Variants in GATAD2B observed in about 807,000 individuals in gnomAD.
GATAD2B encodes the protein GATA zinc finger domain containing 2B, also known as transcriptional repressor p66-beta.
A neutral mutation model predicts 64.3 loss-of-function variants in GATAD2B; 8 were observed. That is an observed-to-expected ratio of 0.12 (90% CI 0.07 to 0.22). The LOEUF is 0.22. Among genes scored for constraint, GATAD2B ranks in the 10% least tolerant of loss-of-function variants. GATAD2B has a pLI of 1.00. For synonymous variants in GATAD2B, 281 were observed against 271.3 expected (o/e 1.04, Z -0.35); for missense variants, 453 against 752.0 (o/e 0.60, Z 4.65).
chr1:153,908,785 A>AGG (rs1678028514), intron 1 of GATAD2B, among the ~76,000 whole-genome samples: 4 of 139,320 alleles, frequency 2.9e-5, no homozygotes, highest in Non-Finnish European at 6.1e-5. Flanking sequence ...ATACTTGGAA[A>AGG]AAAAAAAAAA....
At chr1:153,826,414 A>G (rs1674880713) in intron 2 of GATAD2B, among the ~76,000 whole-genome samples, 1 of 152,020 alleles carries the variant, frequency 6.6e-6, no homozygotes, top group Non-Finnish European at 1.5e-5. Flanking sequence ...AGATCACCTG[A>G]GGTCAGGAGT....
chr1:153,811,152 C>T (rs1344257051), intron 10 of GATAD2B, among the ~76,000 whole-genome samples: 7 of 152,114 alleles, frequency 4.6e-5, no homozygotes, highest in Non-Finnish European at 8.8e-5. Flanking sequence ...TCGCCTGCCT[C>T]GGCCTCTCAA....
chr1:153,807,715 G>C lies in GATAD2B; in HGVS notation c.*2462C>G, dbSNP rs1313646768. The C allele has an allele frequency of 1.3e-5, 2 of 152,952 alleles. No individual in the cohort carries two copies. Among genetic ancestry groups the C allele is most frequent in the Non-Finnish European group, 2.9e-5 (2 of 68,310 alleles). 9.5% of individuals were successfully genotyped at this position (152,952 alleles called of 1,614,324 possible). On this transcript the variant is annotated 3_prime_UTR_variant, in exon 11 of 11. Coordinates refer to ENST00000368655, the MANE Select transcript of GATAD2B (RefSeq NM_020699.4). ...CCAAACCCCATTCTAAGGTGGCCTG[G>C]CTCCCAGGGAAAGGACTCAGCTCAG...
chr1:153,848,530 C>T (rs1675768103), intron 1 of GATAD2B, among the ~76,000 whole-genome samples: 1 of 152,168 alleles, frequency 6.6e-6, no homozygotes, highest in Non-Finnish European at 1.5e-5. Context: ...CACCTTCTAA[C>T]TGTAAAAATG....
At chr1:153,878,939 G>A (rs1676921517) in intron 1 of GATAD2B, among the ~76,000 whole-genome samples, 1 of 150,414 alleles carries the variant, frequency 6.6e-6, no homozygotes, top group Non-Finnish European at 1.5e-5. Flanking sequence ...CACCATGCCT[G>A]GCTAATTTTT....
At chr1:153,879,539 G>A (rs748048324) in intron 1 of GATAD2B, among the ~76,000 whole-genome samples, 2 of 151,964 alleles carry the variant, frequency 1.3e-5, no homozygotes, top group Non-Finnish European at 2.9e-5. Flanking sequence ...CAAGACGGGC[G>A]GATTATGAGG....
At chr1:153,855,235 T>G (rs535193234) in intron 1 of GATAD2B, among the ~76,000 whole-genome samples, 4,658 of 145,582 alleles carry the variant, frequency 0.032, 229 homozygotes, top group African/African-American at 0.1. Context: ...GTTTTTTTTT[T>G]TTGTTGTTGT....
intron 1 of GATAD2B, among the ~76,000 whole-genome samples, chr1:153,900,904 T>C (rs1677747700): frequency 6.6e-6 from 1 of 152,222 alleles, no homozygotes; most frequent in South Asian, 2.1e-4. Context: ...CTTGATTTTT[T>C]TTCAATCATT....
chr1:153,825,582 C>G (rs370276034), intron 2 of GATAD2B, among the ~76,000 whole-genome samples: 1 of 152,090 alleles, frequency 6.6e-6, no homozygotes, highest in Non-Finnish European at 1.5e-5. Flanking sequence ...TGCCACCACA[C>G]CTGGCTAATT....
chr1:153,819,081 C>A (rs1674583654), intron 3 of GATAD2B, among the ~76,000 whole-genome samples, 159 bp from the exon 4 acceptor site: 1 of 152,204 alleles, frequency 6.6e-6, no homozygotes, highest in Non-Finnish European at 1.5e-5. Context: ...TGGCACAGTG[C>A]CTGGCATTCA....
At chr1:153,890,172 C>CA (rs564018508) in intron 1 of GATAD2B, among the ~76,000 whole-genome samples, 139 of 66,464 alleles carry the variant, frequency 2.1e-3, no homozygotes, top group East Asian at 8.8e-3. Flanking sequence ...AACTCTGTTT[C>CA]AAAAAAAAAA....
intron 1 of GATAD2B, among the ~76,000 whole-genome samples, chr1:153,881,236 C>T (rs1009563074): frequency 2.6e-5 from 4 of 152,032 alleles, no homozygotes; most frequent in African/African-American, 9.7e-5. Flanking sequence ...ATTCACAGAG[C>T]AGGGTTGGAG....
At chr1:153,813,583 T>C in intron 7 of GATAD2B, 131 bp from the exon 8 acceptor site, 1 of 662,334 alleles carries the variant, frequency 1.5e-6, no homozygotes, top group East Asian at 2.7e-5. Flanking sequence ...GGATATTCTA[T>C]AATTTACAAA....
chr1:153,813,259 C>T lies in GATAD2B; in HGVS notation c.1410G>A (p.Gln470=), dbSNP rs370570135. The change falls in exon 8 of 11, where the codon CAG becomes CAA. Residue 470 remains glutamine, a synonymous_variant. Transcript: ENST00000368655. The part of the protein sequence containing the change: ...RLKNAFVKAL[Q]QEQEIEQRLQ... ...CAGTCAGAATTCTTACCTGTTCCTG[C>T]TGTAGGGCTTTCACAAATGCATTTT... The T allele has an allele frequency of 6.2e-7, 1 of 1,613,638 alleles. No individual in the cohort carries two copies. The highest frequency in any genetic ancestry group is 8.5e-7 in the Non-Finnish European group (1 of 1,179,842).
At chr1:153,904,560 G>C (rs1353575819) in intron 1 of GATAD2B, among the ~76,000 whole-genome samples, 1 of 152,084 alleles carries the variant, frequency 6.6e-6, no homozygotes, top group Non-Finnish European at 1.5e-5. Flanking sequence ...TTTTCTTTGA[G>C]AGACAGAGTC....
In GATAD2B at chr1:153,853,112, T is replaced by C. The variant is rs1675963990; in HGVS notation, c.-1-24764A>G. On this transcript the variant is annotated intron_variant, in intron 1 of 10. Coordinates refer to ENST00000368655, the MANE Select transcript of GATAD2B (RefSeq NM_020699.4). Reference sequence around the variant, plus strand: ...TGGCATTGGCAACAACCTGAGTTGATGGCTGATTCAGAATAGGCAGTCTCT... The same window carrying C: ...TGGCATTGGCAACAACCTGAGTTGACGGCTGATTCAGAATAGGCAGTCTCT... 44 of 1,469,378 alleles carry C rather than the reference T, an allele frequency of 3.0e-5. No homozygotes were observed. The South Asian group carries it at 4.4e-4, about 15-fold the overall frequency. The allele number at this position is 1,469,378 out of a possible 1,614,324, so 91.0% of individuals were successfully genotyped here.
At chr1:153,915,042 G>A (rs943546941) in intron 1 of GATAD2B, among the ~76,000 whole-genome samples, 7 of 152,204 alleles carry the variant, frequency 4.6e-5, no homozygotes, top group African/African-American at 1.7e-4. Flanking sequence ...GGCCAACATG[G>A]CAAAACTCTG....
chr1:153,909,216 T>C (rs1162560219), intron 1 of GATAD2B, among the ~76,000 whole-genome samples: 1 of 151,128 alleles, frequency 6.6e-6, no homozygotes, highest in Non-Finnish European at 1.5e-5. Flanking sequence ...TTAAAAATAA[T>C]TTTTTTTTCT....
At chr1:153,862,243 C>T (rs984895787) in intron 1 of GATAD2B, among the ~76,000 whole-genome samples, 4 of 151,020 alleles carry the variant, frequency 2.6e-5, no homozygotes, top group African/African-American at 9.7e-5. Flanking sequence ...CTGCCTCAGC[C>T]TCCTGAGTAC....
Sources: allele counts gnomAD v4.1 joint callset (sites outside exome capture counted in the v4.1 genomes callset), GRCh38; gene constraint gnomAD v4.1.1; transcripts MANE v1.5; gene names NCBI Gene and HGNC (gene_info 2026-07-23, HGNC 2026-07-21).